INPP4B: variants seen among roughly 807,000 people sequenced by gnomAD.
INPP4B encodes the protein inositol polyphosphate-4-phosphatase type II B.
INPP4B carries 55 observed loss-of-function variants against 122.5 expected under a neutral mutation model. The ratio of observed to expected loss-of-function variants is 0.45; its 90% CI spans 0.36 to 0.56. The LOEUF is 0.56. Ranked by LOEUF, INPP4B falls within the 20% of genes least tolerant of loss-of-function variation. The pLI is 0.00. For missense variants in INPP4B, 1,000 were observed against 1,097.7 expected (o/e 0.91, Z 1.26); for synonymous variants, 403 against 388.7 (o/e 1.04, Z -0.43).
intron 25 of INPP4B, among the ~76,000 whole-genome samples, chr4:142,071,790 C>T (rs1158121608): frequency 6.6e-6 from 1 of 152,138 alleles, no homozygotes; most frequent in East Asian, 1.9e-4. Context: ...CAATGAGATA[C>T]CATCTCACAC....
At chr4:142,451,241 CTGT>C (rs1381847577) in intron 3 of INPP4B, among the ~76,000 whole-genome samples, 6 of 140,738 alleles carry the variant, frequency 4.3e-5, no homozygotes, top group African/African-American at 1.6e-4. Context: ...TTTTTTGTTG[CTGT>C]TGTTTTTTTT....
intron 2 of INPP4B, among the ~76,000 whole-genome samples, chr4:142,634,151 CAT>C (rs1748598121): frequency 6.6e-6 from 1 of 152,188 alleles, no homozygotes. Context: ...CCAAACCTAA[CAT>C]GTGAATAAAT....
At chr4:142,622,171 G>T (rs753010210) in intron 2 of INPP4B, among the ~76,000 whole-genome samples, 1 of 151,752 alleles carries the variant, frequency 6.6e-6, no homozygotes, top group Non-Finnish European at 1.5e-5. Context: ...AATCTCACTG[G>T]ACTCCCAAAA....
chr4:142,705,055 C>G (rs1328033872), intron 2 of INPP4B, among the ~76,000 whole-genome samples: 1 of 152,172 alleles, frequency 6.6e-6, no homozygotes, highest in Non-Finnish European at 1.5e-5. Flanking sequence ...CATACCCTTT[C>G]TGGTTTTCCC....
intron 8 of INPP4B, among the ~76,000 whole-genome samples, chr4:142,310,755 T>C (rs966887143): frequency 2.0e-5 from 3 of 150,904 alleles, no homozygotes; most frequent in Non-Finnish European, 4.4e-5. Flanking sequence ...AAAGACCAAG[T>C]GAACTATTAA....
intron 1 of INPP4B, among the ~76,000 whole-genome samples, chr4:142,827,255 A>C (rs1781561135): frequency 6.6e-6 from 1 of 151,694 alleles, no homozygotes; most frequent in Admixed American, 6.6e-5. Flanking sequence ...ATTTCACCCT[A>C]CTCCTATCCC....
intron 16 of INPP4B, among the ~76,000 whole-genome samples, chr4:142,163,843 G>A (rs981684518): frequency 3.3e-5 from 5 of 151,734 alleles, no homozygotes; most frequent in Non-Finnish European, 1.5e-5. Context: ...ATATCACTGA[G>A]TTGCCTACTG....
At chr4:142,816,176 T>C (rs1209554407) in intron 1 of INPP4B, among the ~76,000 whole-genome samples, 1 of 152,154 alleles carries the variant, frequency 6.6e-6, no homozygotes, top group Non-Finnish European at 1.5e-5. Context: ...ATTGAGCCTT[T>C]AGGAATAGAT....
At chr4:142,112,520 C>T (rs775058488) in intron 22 of INPP4B, 22 bp downstream of exon 22, 15 of 1,610,498 alleles carry the variant, frequency 9.3e-6, no homozygotes, top group Admixed American at 5.1e-5. Flanking sequence ...ATCTCAAGTG[C>T]GACTCTTACA....
In INPP4B at chr4:142,710,214, T is replaced by A. The variant is rs140097110; in HGVS notation, c.-191+15625A>T. On this transcript the variant is annotated intron_variant, in intron 2 of 25. Transcript: ENST00000262992. ...AGGATAAATTTATGAGCACAGCCAA[T>A]GCCTTTAACTGTATACTGAGTCTTA... Among the ~76,000 whole-genome samples the A allele has an allele frequency of 7.2e-5, 11 of 152,356 alleles. No individual in the cohort carries two copies. In the East Asian group the frequency reaches 2.1e-3, roughly 29 times the overall value.
chr4:142,263,273 C>T (rs934850648), intron 10 of INPP4B, among the ~76,000 whole-genome samples: 1 of 152,204 alleles, frequency 6.6e-6, no homozygotes, highest in Middle Eastern at 3.4e-3. Context: ...TCATTTTTCA[C>T]CTGATTTGAT....
intron 7 of INPP4B, among the ~76,000 whole-genome samples, chr4:142,389,967 A>G (rs1333707559): frequency 2.0e-5 from 3 of 152,228 alleles, no homozygotes; most frequent in Non-Finnish European, 4.4e-5. Context: ...TTAATCTTGT[A>G]AAAAGAAATC....
chr4:142,619,897 G>A (rs1175105625), intron 2 of INPP4B, among the ~76,000 whole-genome samples: 1 of 151,974 alleles, frequency 6.6e-6, no homozygotes, highest in Non-Finnish European at 1.5e-5. Context: ...TTTCTGAAAT[G>A]TTTGAGCTCA....
At chr4:142,455,522 C>T (rs113776819) in intron 3 of INPP4B, among the ~76,000 whole-genome samples, 7,222 of 152,046 alleles carry the variant, frequency 0.047, 190 homozygotes, top group Middle Eastern at 0.078. Flanking sequence ...AAGAGTACTC[C>T]ATTGTGTATA....
At chr4:142,545,706 T>TATACACATATATATGTGTATATAC (rs1553955896) in intron 2 of INPP4B, among the ~76,000 whole-genome samples, 1 of 49,052 alleles carries the variant, frequency 2.0e-5, no homozygotes, top group African/African-American at 4.8e-5. Flanking sequence ...TGTGTATATA[T>TATACACATATATATGTGTATATAC]ATGTGTGTGT....
intron 2 of INPP4B, among the ~76,000 whole-genome samples, chr4:142,702,289 G>T (rs1339192960): frequency 1.3e-5 from 2 of 152,110 alleles, no homozygotes; most frequent in African/African-American, 4.8e-5. Flanking sequence ...CTTGTGTGTG[G>T]TTCACAGAAT....
chr4:142,290,195 CTTTTTTTTTTTTTTTTTT>C (rs35260066), intron 9 of INPP4B, among the ~76,000 whole-genome samples: 1,216 of 77,550 alleles, frequency 0.016, 38 homozygotes, highest in Middle Eastern at 0.045. Context: ...TTCTTTCTTC[CTTTTTTTTTTTTTTTTTT>C]TTTTTTTTTT....
intron 7 of INPP4B, among the ~76,000 whole-genome samples, chr4:142,394,204 G>A (rs749576820): frequency 1.1e-4 from 16 of 152,250 alleles, no homozygotes; most frequent in Non-Finnish European, 2.1e-4. Context: ...AGAGTGCTGG[G>A]GCACAATCTC....
At chr4:142,609,056 C>T (rs1285567963) in intron 2 of INPP4B, among the ~76,000 whole-genome samples, 1 of 152,212 alleles carries the variant, frequency 6.6e-6, no homozygotes. Context: ...TCTTCTTACT[C>T]TATAATGATA....
Sources: gnomAD v4.1 joint callset for allele counts (sites outside exome capture counted in the v4.1 genomes callset) on GRCh38, gnomAD v4.1.1 for gene constraint, MANE v1.5 for transcripts, NCBI Gene and HGNC (gene_info 2026-07-23, HGNC 2026-07-21) for gene names.